The following TRDMT1 variants were observed in gnomAD, a reference collection of about 807,000 sequenced individuals.
The protein encoded by TRDMT1 is tRNA aspartic acid methyltransferase 1.
In TRDMT1, 49 loss-of-function variants were observed where a neutral mutation model predicts 51.2. The ratio of observed to expected loss-of-function variants is 0.96; its 90% CI spans 0.76 to 1.21. The LOEUF (loss-of-function observed/expected upper bound fraction) is 1.21. Among genes scored for constraint, TRDMT1 ranks in the 50% most tolerant of loss-of-function variants. The pLI is 0.00. For synonymous variants in TRDMT1, 187 were observed against 164.6 expected (o/e 1.14, Z -1.04); for missense variants, 534 against 462.3 (o/e 1.16, Z -1.42).
In TRDMT1 at chr10:17,166,376, G is replaced by C. The variant is rs891956831; in HGVS notation, c.251+2465C>G. 3.2e-5 allele frequency among the ~76,000 whole-genome samples: 4 copies of C among 123,258 alleles called. No homozygotes were observed. The East Asian group carries it at 8.9e-4, about 27-fold the overall frequency. The allele number at this position is 123,258 out of a possible 152,430, so 80.9% of individuals were successfully genotyped here. A position where few individuals can be genotyped will look rare whatever the true frequency, so the allele number is the denominator to read the frequency against. ...CACACACCGGGGCCTGTTGTGGGGTGGGGGGAGGGAGGAGGGATAGCATTA... is the reference window on the plus strand; with the variant it reads ...CACACACCGGGGCCTGTTGTGGGGTCGGGGGAGGGAGGAGGGATAGCATTA... On this transcript the variant is annotated intron_variant, in intron 3 of 10. Coordinates refer to ENST00000377799, the MANE Select transcript of TRDMT1 (RefSeq NM_004412.7).
intron 1 of TRDMT1, among the ~76,000 whole-genome samples, chr10:17,185,894 G>A (rs1419439057): frequency 3.9e-5 from 6 of 151,948 alleles, no homozygotes; most frequent in African/African-American, 9.7e-5. Flanking sequence ...ATCACACACC[G>A]GGGCCTGTTG....
rs755426695 is a variant in TRDMT1, at chr10:17,138,351, C to T, written c.*10689G>A. On this transcript the variant is annotated 3_prime_UTR_variant, in exon 11 of 11. Coordinates refer to ENST00000377799, the MANE Select transcript of TRDMT1 (RefSeq NM_004412.7). ...GGGACGTAACATTGCTTAAAAGATA[C>T]ATTTACATATGTCAGTTTTGTGATT... Among the ~76,000 whole-genome samples the T allele has an allele frequency of 3.3e-5, 5 of 152,222 alleles. No individual in the cohort carries two copies. Among genetic ancestry groups the T allele is most frequent in the Middle Eastern group, 6.8e-3 (2 of 294 alleles).
rs1434727697 is a variant in TRDMT1 at position 17,147,268 on chromosome 10, A to T, written c.*1772T>A. 3.0e-6 allele frequency: 3 copies of T among 985,620 alleles called. No homozygotes were observed. The African/African-American group carries it at 5.2e-5, about 17-fold the overall frequency. The allele number at this position is 985,620 out of a possible 1,614,324, so 61.1% of individuals were successfully genotyped here. On this transcript the variant is annotated 3_prime_UTR_variant, in exon 11 of 11. Transcript: ENST00000377799. Reference sequence around the variant, plus strand: ...TGAGACTTGTAATAGGCTCTGTCTGAACACATATGAAAAATGTAGATAGTG... The same window carrying T: ...TGAGACTTGTAATAGGCTCTGTCTGTACACATATGAAAAATGTAGATAGTG...
chr10:17,192,439 G>A (rs1409837048), intron 1 of TRDMT1, among the ~76,000 whole-genome samples: 4 of 152,180 alleles, frequency 2.6e-5, no homozygotes, highest in Admixed American at 2.0e-4. Context: ...TATGAACATA[G>A]TTGGCTAATA....
At position 17,146,639 on chromosome 10, in the gene TRDMT1, G is replaced by A. The variant is rs189296897; in HGVS notation, c.*2401C>T. ...GATGGGAAAAGGAGAACGAAAAATC[G>A]GTTTACTGTAAGGTATGGTGAAGAC... On this transcript the variant is annotated 3_prime_UTR_variant, in exon 11 of 11. Coordinates refer to ENST00000377799, the MANE Select transcript of TRDMT1 (RefSeq NM_004412.7). 93 of 985,266 alleles carry A rather than the reference G, an allele frequency of 9.4e-5. No individual in the cohort carries two copies. In the East Asian group the frequency reaches 7.4e-3, roughly 78 times the overall value. 61.0% of individuals were successfully genotyped at this position (985,266 alleles called of 1,614,324 possible).
chr10:17,145,595 G>A lies in TRDMT1; in HGVS notation c.*3445C>T, dbSNP rs150958422. The stretch of plus-strand genomic sequence containing the variant: ...CCTAAAACAGTTAGAATCCCAAGCC[G>A]AAGGCCAAATTATGACAAGGTAACC... On this transcript the variant is annotated 3_prime_UTR_variant, in exon 11 of 11. Transcript: ENST00000377799. The A allele has an allele frequency of 2.8e-5, 28 of 985,428 alleles. No homozygotes were observed. The highest frequency in any genetic ancestry group is 2.6e-4 in the African/African-American group (15 of 57,360). 61.0% of individuals were successfully genotyped at this position (985,428 alleles called of 1,614,324 possible).
intron 2 of TRDMT1, chr10:17,169,538 T>C: frequency 7.8e-7 from 1 of 1,289,684 alleles, no homozygotes; most frequent in Non-Finnish European, 1.0e-6. Flanking sequence ...GTTGCTCCTT[T>C]TCTATATCTC....
At chr10:17,160,724 G>T (rs1410761633) in intron 5 of TRDMT1, among the ~76,000 whole-genome samples, 2 of 152,102 alleles carry the variant, frequency 1.3e-5, no homozygotes, top group Non-Finnish European at 2.9e-5. Context: ...ACCCGCCTCG[G>T]CCTCCCAAAG....
At chr10:17,163,679 G>A (rs1840745918) in intron 3 of TRDMT1, among the ~76,000 whole-genome samples, 1 of 152,064 alleles carries the variant, frequency 6.6e-6, no homozygotes, top group South Asian at 2.1e-4. Context: ...AAATGATAAA[G>A]GGGATATCAC....
At chr10:17,159,438 G>C (rs937775183) in intron 6 of TRDMT1, among the ~76,000 whole-genome samples, 1 of 152,068 alleles carries the variant, frequency 6.6e-6, no homozygotes, top group Non-Finnish European at 1.5e-5. Flanking sequence ...ATTTGAATGA[G>C]TTAAAGATTG....
intron 8 of TRDMT1, 138 bp from the exon 9 acceptor site, chr10:17,154,872 C>T (rs537301980): frequency 2.9e-6 from 2 of 698,210 alleles, no homozygotes; most frequent in African/African-American, 3.7e-5. Context: ...ACATAAATAT[C>T]CTTTGTAGGT....
intron 1 of TRDMT1, among the ~76,000 whole-genome samples, chr10:17,179,179 C>A (rs187258054): frequency 2.6e-5 from 4 of 152,092 alleles, no homozygotes; most frequent in Admixed American, 6.6e-5. Context: ...CTTTCCGGAA[C>A]GTCTCTAGAA....
chr10:17,144,685 C>A lies in TRDMT1; in HGVS notation c.*4355G>T, dbSNP rs1380895870. Reference sequence around the variant, plus strand: ...AAAGAAATAAATTCACAAGCTAAGACATGAATGGTGATGGAGTTTGGATCT... The same window carrying A: ...AAAGAAATAAATTCACAAGCTAAGAAATGAATGGTGATGGAGTTTGGATCT... On this transcript the variant is annotated 3_prime_UTR_variant, in exon 11 of 11. Coordinates refer to ENST00000377799, the MANE Select transcript of TRDMT1 (RefSeq NM_004412.7). 25 of 985,210 alleles carry A rather than the reference C, an allele frequency of 2.5e-5. No individual in the cohort carries two copies. Among genetic ancestry groups the A allele is most frequent in the East Asian group, 2.3e-4 (2 of 8,832 alleles). The allele number at this position is 985,210 out of a possible 1,614,324, so 61.0% of individuals were successfully genotyped here. A position where few individuals can be genotyped will look rare whatever the true frequency, so the allele number is the denominator to read the frequency against.
In TRDMT1 at chr10:17,140,037, C is replaced by CT. The variant is rs758336473; in HGVS notation, c.*9002dup. Among the ~76,000 whole-genome samples, 286 of 21,916 alleles carry CT rather than the reference C, an allele frequency of 0.013. 121 individuals are homozygous for CT. Among genetic ancestry groups the CT allele is most frequent in the Non-Finnish European group, 0.019 (219 of 11,714 alleles). 14.4% of individuals were successfully genotyped at this position (21,916 alleles called of 152,430 possible). A position where few individuals can be genotyped will look rare whatever the true frequency, so the allele number is the denominator to read the frequency against. The stretch of plus-strand genomic sequence containing the variant: ...TATTCTTCCAGTAACATCTAGTGTG[C>CT]TTTTTTTTTTTTTTTTTTTTTTTTT... On this transcript the variant is annotated 3_prime_UTR_variant, in exon 11 of 11. Coordinates refer to ENST00000377799, the MANE Select transcript of TRDMT1 (RefSeq NM_004412.7).
At chr10:17,177,394 G>T (rs1842749044) in intron 1 of TRDMT1, among the ~76,000 whole-genome samples, 1 of 151,768 alleles carries the variant, frequency 6.6e-6, no homozygotes, top group African/African-American at 2.4e-5. Context: ...TAGGGACAGG[G>T]TTTCACCATA....
Position 17,141,921 on chromosome 10 carries a change from C to T in TRDMT1, c.*7119G>A, listed in dbSNP as rs980806500. Among the ~76,000 whole-genome samples the T allele has an allele frequency of 6.6e-6, 1 of 152,204 alleles. No individual in the cohort carries two copies. The highest frequency in any genetic ancestry group is 1.5e-5 in the Non-Finnish European group (1 of 68,022). On this transcript the variant is annotated 3_prime_UTR_variant, in exon 11 of 11. Coordinates refer to ENST00000377799, the MANE Select transcript of TRDMT1 (RefSeq NM_004412.7). ...GATCTAATCAAATTATCTGTTACCA[C>T]AGAATGTTTTCTATTTTGGTTATTT...
rs4748359 is a variant in TRDMT1 at position 17,147,773 on chromosome 10, G to A, written c.*1267C>T. The A allele has an allele frequency of 0.95, 154,332 of 162,370 alleles. 73,738 individuals are homozygous for A. Among genetic ancestry groups the A allele is most frequent in the Non-Finnish European group, 1 (77,099 of 77,268 alleles). 10.1% of individuals were successfully genotyped at this position (162,370 alleles called of 1,614,324 possible). A position where few individuals can be genotyped will look rare whatever the true frequency, so the allele number is the denominator to read the frequency against. On this transcript the variant is annotated 3_prime_UTR_variant, in exon 11 of 11. Coordinates refer to ENST00000377799, the MANE Select transcript of TRDMT1 (RefSeq NM_004412.7). The stretch of plus-strand genomic sequence containing the variant: ...TACTGTAAATAATGGTGTTATAAAC[G>A]CTGGTGTACAAATATCTGTTCAAGT...
intron 10 of TRDMT1, among the ~76,000 whole-genome samples, chr10:17,152,526 T>C (rs897347114): frequency 3.9e-5 from 6 of 152,226 alleles, no homozygotes; most frequent in Admixed American, 6.5e-5. Context: ...TAACAAAGTT[T>C]GACTTTTCTG....
At chr10:17,199,319 C>G (rs1845849276) in intron 1 of TRDMT1, among the ~76,000 whole-genome samples, 1 of 152,040 alleles carries the variant, frequency 6.6e-6, no homozygotes, top group Non-Finnish European at 1.5e-5. Flanking sequence ...CTTTGGATCA[C>G]AGGGTCAGCC....
Sources: gnomAD v4.1 joint callset for allele counts (sites outside exome capture counted in the v4.1 genomes callset) on GRCh38, gnomAD v4.1.1 for gene constraint, MANE v1.5 for transcripts, NCBI Gene and HGNC (gene_info 2026-07-23, HGNC 2026-07-21) for gene names.